RGS5: variants seen among roughly 807,000 people sequenced by gnomAD.
The protein encoded by RGS5 is regulator of G protein signaling 5, also known as regulator of G-protein signalling 5.
A neutral mutation model predicts 18.9 loss-of-function variants in RGS5; 20 were observed. That is an observed-to-expected ratio of 1.06 (90% CI 0.74 to 1.54). RGS5 has a LOEUF of 1.54. Ranked by LOEUF, RGS5 falls within the 40% of genes most tolerant of loss-of-function variation. The pLI, the probability that RGS5 is intolerant of heterozygous loss-of-function variation, is 0.00. For synonymous variants in RGS5, 57 were observed against 76.2 expected (o/e 0.75, Z 1.31); for missense variants, 201 against 211.8 (o/e 0.95, Z 0.32).
intron 1 of RGS5, among the ~76,000 whole-genome samples, chr1:163,213,216 G>A (rs184614049): frequency 6.6e-6 from 1 of 152,036 alleles, no homozygotes; most frequent in East Asian, 1.9e-4. Context: ...TAGTTGCTAT[G>A]CATTACTTGC....
chr1:163,167,839 T>C (rs1360980806), intron 2 of RGS5, among the ~76,000 whole-genome samples: 1 of 152,140 alleles, frequency 6.6e-6, no homozygotes, highest in Non-Finnish European at 1.5e-5. Flanking sequence ...ATCACCCTGC[T>C]GAGGAAGCAG....
At chr1:163,263,952 G>A (rs1488318526) in intron 2 of RGS5, among the ~76,000 whole-genome samples, 1 of 151,670 alleles carries the variant, frequency 6.6e-6, no homozygotes, top group Admixed American at 6.6e-5. Flanking sequence ...CACCTATGGT[G>A]TATGGCTGAG....
chr1:163,212,997 A>G (rs1368339398), intron 1 of RGS5: 2 of 152,218 alleles, frequency 1.3e-5, no homozygotes, highest in East Asian at 1.9e-4. Context: ...CTAGACTTCA[A>G]TGAAATTGAA....
At chr1:163,214,320 T>A (rs1252999343) in intron 1 of RGS5, among the ~76,000 whole-genome samples, 1 of 152,170 alleles carries the variant, frequency 6.6e-6, no homozygotes, top group Non-Finnish European at 1.5e-5. Context: ...TAGGTTGCTC[T>A]ACTAAGTTCA....
chr1:163,274,456 C>G (rs1315678615), intron 2 of RGS5, among the ~76,000 whole-genome samples: 1 of 151,902 alleles, frequency 6.6e-6, no homozygotes, highest in Admixed American at 6.6e-5. Flanking sequence ...AGACCTTGTC[C>G]TATGTACCTT....
chr1:163,315,848 A>G (rs1317922248), intron 1 of RGS5, among the ~76,000 whole-genome samples: 1 of 152,206 alleles, frequency 6.6e-6, no homozygotes, highest in Admixed American at 6.5e-5. Context: ...TCTAATGCCA[A>G]TAAATTTAGA....
intron 2 of RGS5, among the ~76,000 whole-genome samples, chr1:163,273,118 C>A (rs964899367): frequency 5.3e-5 from 8 of 151,376 alleles, no homozygotes; most frequent in Non-Finnish European, 4.4e-5. Context: ...TAATTTTCTT[C>A]AAAAAAAATG....
rs746319798 is a variant in RGS5 at position 163,152,751 on chromosome 1, A to G, written c.218-35T>C. ...AAAAAACAGTCAGCTGGAGAAATTT[A>G]TTAATTTACTTAACAAATATTGTAT... On this transcript the variant is annotated intron_variant, in intron 3 of 4. Transcript: ENST00000313961. 12 of 1,530,208 alleles carry G rather than the reference A, an allele frequency of 7.8e-6. No individual in the cohort carries two copies. The Admixed American group carries it at 8.2e-5, about 10-fold the overall frequency. The allele number at this position is 1,530,208 out of a possible 1,614,324, so 94.8% of individuals were successfully genotyped here. A position where few individuals can be genotyped will look rare whatever the true frequency, so the allele number is the denominator to read the frequency against.
At chr1:163,265,580 C>G (rs924000871) in intron 2 of RGS5, among the ~76,000 whole-genome samples, 1 of 151,966 alleles carries the variant, frequency 6.6e-6, no homozygotes, top group Admixed American at 6.6e-5. Flanking sequence ...TAACTAAACC[C>G]CTATATCTCT....
intron 2 of RGS5, among the ~76,000 whole-genome samples, chr1:163,301,448 T>C (rs1454056168): frequency 6.6e-5 from 10 of 152,150 alleles, no homozygotes; most frequent in African/African-American, 2.4e-4. Context: ...TCATCCCACT[T>C]CAGCTTCCTG....
intron 3 of RGS5, among the ~76,000 whole-genome samples, chr1:163,157,734 T>C (rs1165881132): frequency 6.6e-6 from 1 of 151,958 alleles, no homozygotes; most frequent in Non-Finnish European, 1.5e-5. Context: ...TTTGTCTTGA[T>C]TTGTTTTTAT....
At chr1:163,301,454 TC>T (rs1557935895) in intron 2 of RGS5, among the ~76,000 whole-genome samples, 2 of 152,122 alleles carry the variant, frequency 1.3e-5, no homozygotes, top group Admixed American at 1.3e-4. Context: ...CACTTCAGCT[TC>T]CTGAGTATCT....
intron 4 of RGS5, among the ~76,000 whole-genome samples, chr1:163,148,219 G>C (rs1017719973): frequency 2.0e-5 from 3 of 152,124 alleles, no homozygotes; most frequent in South Asian, 2.1e-4. Flanking sequence ...GAGCCACCGC[G>C]TCCGGCCCTG....
At chr1:163,226,149 A>G (rs1019263690) in intron 2 of RGS5, among the ~76,000 whole-genome samples, 1 of 150,272 alleles carries the variant, frequency 6.7e-6, no homozygotes, top group Non-Finnish European at 1.5e-5. Context: ...CAAACTCCCA[A>G]CCTCAGGTGA....
rs575410531 is a variant in RGS5, at chr1:163,258,614, C to A, written c.-281+47619G>T. ...TTAACCAAAACATCCACACCCTTGTCTTCAAGAGGAAAATGCTAAAGTAAG... is the reference window on the plus strand; with the variant it reads ...TTAACCAAAACATCCACACCCTTGTATTCAAGAGGAAAATGCTAAAGTAAG... On this transcript the variant is annotated intron_variant, in intron 2 of 5. Transcript: ENST00000618415. Among the ~76,000 whole-genome samples, 10 of 151,938 alleles carry A rather than the reference C, an allele frequency of 6.6e-5. 1 individual carries two copies. In the South Asian group the frequency reaches 2.1e-3, roughly 32 times the overall value.
At chr1:163,200,005 T>C (rs1255358811) in intron 1 of RGS5, among the ~76,000 whole-genome samples, 1 of 152,088 alleles carries the variant, frequency 6.6e-6, no homozygotes, top group African/African-American at 2.4e-5. Flanking sequence ...TAGGAAAATT[T>C]TCCTTTAATC....
chr1:163,299,836 A>AT (rs1191549282), intron 2 of RGS5, among the ~76,000 whole-genome samples: 1 of 152,226 alleles, frequency 6.6e-6, no homozygotes, highest in Non-Finnish European at 1.5e-5. Flanking sequence ...AAAGACAAGA[A>AT]TATACAGTTT....
At chr1:163,194,180 A>G (rs1659468568) in intron 1 of RGS5, among the ~76,000 whole-genome samples, 1 of 152,168 alleles carries the variant, frequency 6.6e-6, no homozygotes, top group Non-Finnish European at 1.5e-5. Context: ...GCATATTAAT[A>G]TATACTTTTC....
At chr1:163,305,510 T>A (rs2101645179) in intron 2 of RGS5, among the ~76,000 whole-genome samples, 1 of 152,318 alleles carries the variant, frequency 6.6e-6, no homozygotes, top group South Asian at 2.1e-4. Context: ...CTATTGGTCC[T>A]CTTTCAAGTA....
Sources: gnomAD v4.1 joint callset for allele counts (sites outside exome capture counted in the v4.1 genomes callset) on GRCh38, gnomAD v4.1.1 for gene constraint, MANE v1.5 for transcripts, NCBI Gene and HGNC (gene_info 2026-07-23, HGNC 2026-07-21) for gene names.